The following OR6N1 variants were observed in gnomAD, a reference collection of about 807,000 sequenced individuals.
OR6N1 encodes olfactory receptor family 6 subfamily N member 1.
For missense variants in OR6N1, 394 were observed against 371.7 expected, an observed-to-expected ratio of 1.06 and a Z score of -0.49; for synonymous variants, 170 against 150.7, an observed-to-expected ratio of 1.13 and a Z score of -0.94.
At chr1:158,779,156 A>G in the OR6N1 span, among the ~76,000 whole-genome samples, 4 of 152,254 alleles carry the variant, frequency 2.6e-5, no homozygotes, top group Non-Finnish European at 5.9e-5. Context: ...TTCATACAAA[A>G]TAGTATTGGA....
At chr1:158,812,021 C>T in the OR6N1 span, among the ~76,000 whole-genome samples, 3 of 152,164 alleles carry the variant, frequency 2.0e-5, no homozygotes, top group Non-Finnish European at 4.4e-5. Flanking sequence ...AAACATGTGA[C>T]CTTTCTGCAG....
chr1:158,785,184 A>G, the OR6N1 span, among the ~76,000 whole-genome samples: 6 of 152,148 alleles, frequency 3.9e-5, no homozygotes, highest in African/African-American at 1.4e-4. Context: ...AGAATTTTTT[A>G]TGGACACAGT....
At chr1:158,798,938 G>A in the OR6N1 span, among the ~76,000 whole-genome samples, 1 of 152,156 alleles carries the variant, frequency 6.6e-6, no homozygotes, top group Non-Finnish European at 1.5e-5. Flanking sequence ...CCTGGGAGAA[G>A]AGCACAGGAA....
chr1:158,825,014 A>G, the OR6N1 span, among the ~76,000 whole-genome samples: 2 of 152,256 alleles, frequency 1.3e-5, no homozygotes, highest in Non-Finnish European at 1.5e-5. Flanking sequence ...AGAAACTGTC[A>G]ACAGAGTAAA....
the OR6N1 span, among the ~76,000 whole-genome samples, chr1:158,786,840 G>T: frequency 1.3e-5 from 2 of 151,928 alleles, no homozygotes; most frequent in Admixed American, 6.6e-5. Context: ...GGGGACTCAG[G>T]GGGGAAAAGG....
the OR6N1 span, among the ~76,000 whole-genome samples, chr1:158,799,846 T>C: frequency 2.0e-5 from 3 of 152,166 alleles, no homozygotes; most frequent in Admixed American, 6.5e-5. Flanking sequence ...CAGCCAGCCA[T>C]GTTGTCTACA....
chr1:158,796,601 T>A, the OR6N1 span, among the ~76,000 whole-genome samples: 1 of 152,162 alleles, frequency 6.6e-6, no homozygotes, highest in African/African-American at 2.4e-5. Context: ...TTTGTTAAAA[T>A]TTTCTGATAC....
At chr1:158,774,193 G>A (rs1385181163), upstream of OR6N1, 2 of 152,140 alleles carry the variant, frequency 1.3e-5, no homozygotes, top group African/African-American at 4.8e-5. Flanking sequence ...ACTGTTTACA[G>A]AAAATGACTG....
the OR6N1 span, among the ~76,000 whole-genome samples, chr1:158,779,571 A>G: frequency 6.6e-6 from 1 of 152,266 alleles, no homozygotes; most frequent in Non-Finnish European, 1.5e-5. Flanking sequence ...ATTTTAGAAT[A>G]CTAAATTCAT....
chr1:158,775,024 T>G (rs916011915), upstream of OR6N1: 1 of 152,242 alleles, frequency 6.6e-6, no homozygotes, highest in Admixed American at 6.5e-5. Flanking sequence ...AGGTGCTGTG[T>G]TAGTTTCTGG....
chr1:158,806,806 C>T, the OR6N1 span, among the ~76,000 whole-genome samples: 17 of 152,022 alleles, frequency 1.1e-4, no homozygotes, highest in African/African-American at 3.9e-4. Context: ...TCCATCTCTG[C>T]TCTGCAAATT....
chr1:158,781,384 C>T, the OR6N1 span, among the ~76,000 whole-genome samples: 1 of 152,238 alleles, frequency 6.6e-6, no homozygotes, highest in Non-Finnish European at 1.5e-5. Flanking sequence ...TCAGGGCAGA[C>T]TCCTGGGAAG....
At chr1:158,832,945 T>C in the OR6N1 span, among the ~76,000 whole-genome samples, 1 of 152,122 alleles carries the variant, frequency 6.6e-6, no homozygotes, top group South Asian at 2.1e-4. Flanking sequence ...TTTGTTTCAA[T>C]TTATAGCACT....
At chr1:158,829,198 T>C in the OR6N1 span, among the ~76,000 whole-genome samples, 4 of 152,356 alleles carry the variant, frequency 2.6e-5, no homozygotes, top group African/African-American at 9.6e-5. Flanking sequence ...TCCTTACTTA[T>C]GCAAATTTCT....
At chr1:158,789,738 C>T in the OR6N1 span, among the ~76,000 whole-genome samples, 2 of 152,110 alleles carry the variant, frequency 1.3e-5, no homozygotes, top group Non-Finnish European at 2.9e-5. Context: ...TGGTCATTAA[C>T]CCTTTGTCAG....
At chr1:158,823,174 T>G in the OR6N1 span, among the ~76,000 whole-genome samples, 1 of 152,182 alleles carries the variant, frequency 6.6e-6, no homozygotes, top group African/African-American at 2.4e-5. Context: ...ATATTTCTTT[T>G]TTGTTGCATC....
Position 158,766,014 on chromosome 1 carries a change from G to A in OR6N1, c.669C>T (p.Cys223=), listed in dbSNP as rs144611397. The change falls in exon 2 of 2, where the codon TGC becomes TGT. Residue 223 remains cysteine, a synonymous_variant. Transcript: ENST00000641846. The part of the protein sequence containing the change: ...LILCSYVQII[C]TVLRIPSAAG... Reference sequence around the variant, plus strand: ...CAGCTGAGGGAATTCTGAGCACTGTGCAGATGATCTGCACATAGGAGCAGA... The same window carrying A: ...CAGCTGAGGGAATTCTGAGCACTGTACAGATGATCTGCACATAGGAGCAGA... The A allele has an allele frequency of 3.6e-4, 588 of 1,614,198 alleles. 1 individual carries two copies. In the African/African-American group the frequency reaches 6.8e-3, roughly 19 times the overall value.
At chr1:158,782,477 T>C in the OR6N1 span, among the ~76,000 whole-genome samples, 2 of 152,212 alleles carry the variant, frequency 1.3e-5, no homozygotes, top group African/African-American at 4.8e-5. Context: ...AAAATTAGGT[T>C]TATTGACTCA....
chr1:158,791,926 A>G, the OR6N1 span, among the ~76,000 whole-genome samples: 1 of 152,198 alleles, frequency 6.6e-6, no homozygotes, highest in Non-Finnish European at 1.5e-5. Flanking sequence ...TCTACAGCAC[A>G]GTTTAAGTCC....
Sources: allele counts gnomAD v4.1 joint callset (sites outside exome capture counted in the v4.1 genomes callset), GRCh38; gene constraint gnomAD v4.1.1; transcripts MANE v1.5; gene names NCBI Gene and HGNC (gene_info 2026-07-23, HGNC 2026-07-21).